Variants in KCNH8 observed in about 807,000 individuals in gnomAD.
KCNH8 encodes voltage-gated delayed rectifier potassium channel KCNH8.
In KCNH8, 70 loss-of-function variants were observed where a neutral mutation model predicts 103.6. The observed-to-expected ratio is 0.68, with a 90% CI of 0.56 to 0.82. KCNH8 has a LOEUF of 0.82. KCNH8 is among the 40% of genes least tolerant of loss of function. The probability of loss-of-function intolerance (pLI) is 0.00; values close to 1 mark genes in which losing one functional copy is unlikely to be tolerated. For missense variants in KCNH8, 1,217 were observed against 1,329.9 expected, an observed-to-expected ratio of 0.92 and a Z score of 1.32; for synonymous variants, 498 against 489.4, an observed-to-expected ratio of 1.02 and a Z score of -0.23.
intron 10 of KCNH8, among the ~76,000 whole-genome samples, chr3:19,455,685 A>C (rs544640828): frequency 5.2e-4 from 79 of 152,228 alleles, no homozygotes; most frequent in African/African-American, 1.7e-3. Flanking sequence ...TCAGTTCTCC[A>C]TAAATATTCA....
At chr3:19,529,962 G>A (rs1366755098) in intron 15 of KCNH8, among the ~76,000 whole-genome samples, 1 of 152,144 alleles carries the variant, frequency 6.6e-6, no homozygotes. Context: ...GAAAATGTCA[G>A]TGCTTGTTTA....
Position 19,534,172 on chromosome 3 carries a change from T to A in KCNH8, c.*73T>A. On this transcript the variant is annotated 3_prime_UTR_variant, in exon 16 of 16. Coordinates refer to ENST00000328405, the MANE Select transcript of KCNH8 (RefSeq NM_144633.3). ...GACAGTTTTAGTTTGCCTTTTTGCC[T>A]CTGGTGGGCATGAAGACTGAGCAAA... The A allele has an allele frequency of 8.7e-7, 1 of 1,155,110 alleles. No individual in the cohort carries two copies. The highest frequency in any genetic ancestry group is 1.2e-6 in the Non-Finnish European group (1 of 806,122). 71.6% of individuals were successfully genotyped at this position (1,155,110 alleles called of 1,614,324 possible). A position where few individuals can be genotyped will look rare whatever the true frequency, so the allele number is the denominator to read the frequency against.
At chr3:19,246,001 T>C (rs528686568) in intron 1 of KCNH8, among the ~76,000 whole-genome samples, 2 of 152,286 alleles carry the variant, frequency 1.3e-5, no homozygotes, top group Admixed American at 6.5e-5. Flanking sequence ...TGACAAGAAT[T>C]AGTACAATTC....
intron 3 of KCNH8, among the ~76,000 whole-genome samples, chr3:19,296,737 G>T (rs770182481): frequency 6.6e-6 from 1 of 152,082 alleles, no homozygotes; most frequent in Non-Finnish European, 1.5e-5. Context: ...TACAAATTGG[G>T]TTCAGTGTAT....
chr3:19,214,777 G>T (rs1293908502), intron 1 of KCNH8, among the ~76,000 whole-genome samples: 1 of 152,204 alleles, frequency 6.6e-6, no homozygotes, highest in East Asian at 1.9e-4. Context: ...AGTGAAGTTA[G>T]TAATTATACC....
At chr3:19,206,490 C>T (rs949138957) in intron 1 of KCNH8, among the ~76,000 whole-genome samples, 2 of 151,760 alleles carry the variant, frequency 1.3e-5, no homozygotes, top group African/African-American at 4.8e-5. Context: ...GCTTGAAAGA[C>T]AATTAAAATG....
intron 3 of KCNH8, among the ~76,000 whole-genome samples, chr3:19,289,512 G>C (rs1423975489): frequency 6.6e-6 from 1 of 152,090 alleles, no homozygotes; most frequent in Non-Finnish European, 1.5e-5. Context: ...TTTTTGTTAG[G>C]TTTGTCAAAG....
intron 1 of KCNH8, among the ~76,000 whole-genome samples, chr3:19,195,406 C>G (rs191759277): frequency 1.3e-5 from 2 of 151,978 alleles, no homozygotes; most frequent in African/African-American, 4.8e-5. Flanking sequence ...GATTCCCATA[C>G]CCCTTTTTTC....
chr3:19,524,341 C>T (rs572007995), intron 15 of KCNH8, among the ~76,000 whole-genome samples: 9 of 151,968 alleles, frequency 5.9e-5, no homozygotes, highest in African/African-American at 2.2e-4. Flanking sequence ...CCTAGAACGA[C>T]AAAATTCAAT....
intron 11 of KCNH8, among the ~76,000 whole-genome samples, chr3:19,457,689 A>T (rs2067555172): frequency 6.6e-6 from 1 of 151,992 alleles, no homozygotes; most frequent in South Asian, 2.1e-4. Context: ...TGTAACAACA[A>T]GCCTTTATAT....
chr3:19,510,421 G>T lies in KCNH8; in HGVS notation c.2079+20G>T. 1.4e-6 allele frequency: 2 copies of T among 1,463,270 alleles called. No homozygotes were observed. Among genetic ancestry groups the T allele is most frequent in the Non-Finnish European group, 1.9e-6 (2 of 1,042,940 alleles). The allele number at this position is 1,463,270 out of a possible 1,614,324, so 90.6% of individuals were successfully genotyped here. ...TCACAGGTATGGCTTTTGCTACACAGCAAAATATTTATCTAAAATCTGGAG... is the reference window on the plus strand; with the variant it reads ...TCACAGGTATGGCTTTTGCTACACATCAAAATATTTATCTAAAATCTGGAG... On this transcript the variant is annotated intron_variant, in intron 12 of 15. Coordinates refer to ENST00000328405, the MANE Select transcript of KCNH8 (RefSeq NM_144633.3).
chr3:19,356,528 A>C (rs1332258920), intron 5 of KCNH8, among the ~76,000 whole-genome samples: 1 of 152,058 alleles, frequency 6.6e-6, no homozygotes, highest in Non-Finnish European at 1.5e-5. Context: ...TGGGATCAAC[A>C]TGGTGCAAGG....
intron 10 of KCNH8, among the ~76,000 whole-genome samples, chr3:19,455,354 A>G (rs2067514956): frequency 6.6e-6 from 1 of 152,142 alleles, no homozygotes; most frequent in South Asian, 2.1e-4. Flanking sequence ...AACTAAACGT[A>G]AGTTATAGCT....
At chr3:19,207,932 T>G (rs2125222890) in intron 1 of KCNH8, among the ~76,000 whole-genome samples, 1 of 152,138 alleles carries the variant, frequency 6.6e-6, no homozygotes, top group East Asian at 1.9e-4. Context: ...GTGTGAAATT[T>G]TAATGTAATT....
At position 19,239,654 on chromosome 3, in the gene KCNH8, C is replaced by G. The variant is rs191727950; in HGVS notation, c.77-14000C>G. 7.4e-4 allele frequency among the ~76,000 whole-genome samples: 112 copies of G among 151,240 alleles called. 2 individuals are homozygous for G. Among genetic ancestry groups the G allele is most frequent in the Non-Finnish European group, 1.5e-3 (100 of 67,942 alleles). The stretch of plus-strand genomic sequence containing the variant: ...TGATGGAATCTATCTATCTATCTAT[C>G]TATCTATCTATCTATCTATCTATCT... On this transcript the variant is annotated intron_variant, in intron 1 of 15. Transcript: ENST00000328405.
At chr3:19,499,191 C>T (rs938521500) in intron 11 of KCNH8, among the ~76,000 whole-genome samples, 9 of 151,586 alleles carry the variant, frequency 5.9e-5, no homozygotes, top group East Asian at 1.9e-4. Flanking sequence ...AGGGTATCAG[C>T]GATAGAAGAT....
chr3:19,305,273 A>T (rs906332116), intron 3 of KCNH8, among the ~76,000 whole-genome samples: 2 of 152,178 alleles, frequency 1.3e-5, no homozygotes, highest in African/African-American at 4.8e-5. Context: ...AGTCAAAGGT[A>T]GAAAAAATAG....
At chr3:19,492,414 C>T (rs996948330) in intron 11 of KCNH8, among the ~76,000 whole-genome samples, 2 of 152,154 alleles carry the variant, frequency 1.3e-5, no homozygotes, top group Non-Finnish European at 2.9e-5. Flanking sequence ...TATCCCAGCA[C>T]CGTTTATTGA....
chr3:19,375,933 A>T (rs1385728140), intron 5 of KCNH8, among the ~76,000 whole-genome samples: 1 of 152,026 alleles, frequency 6.6e-6, no homozygotes, highest in Non-Finnish European at 1.5e-5. Context: ...TCAGGGACCC[A>T]CTTGAGGAGG....
Sources: allele counts gnomAD v4.1 joint callset (sites outside exome capture counted in the v4.1 genomes callset), GRCh38; gene constraint gnomAD v4.1.1; transcripts MANE v1.5; gene names NCBI Gene and HGNC (gene_info 2026-07-23, HGNC 2026-07-21).